MINDY4: variants seen among roughly 807,000 people sequenced by gnomAD.
The protein encoded by MINDY4 is probable ubiquitin carboxyl-terminal hydrolase MINDY-4.
A neutral mutation model predicts 87.0 loss-of-function variants in MINDY4; 68 were observed. The observed-to-expected ratio is 0.78, with a 90% confidence interval of 0.64 to 0.96. The LOEUF is 0.96. Among genes scored for constraint, MINDY4 ranks in the 40% least tolerant of loss-of-function variants. The pLI, the probability that MINDY4 is intolerant of heterozygous loss-of-function variation, is 0.00. For synonymous variants in MINDY4, 379 were observed against 363.2 expected (o/e 1.04, Z -0.50); for missense variants, 919 against 928.2 (o/e 0.99, Z 0.13).
At chr7:30,828,616 T>C in intron 5 of MINDY4, 63 bp from the exon 6 acceptor site, 1 of 1,548,152 alleles carries the variant, frequency 6.5e-7, no homozygotes. Flanking sequence ...CTTAACAGTC[T>C]TCTCTGCCGT....
chr7:30,891,952 C>G lies in MINDY4; in HGVS notation c.2226-5C>G. 6.2e-7 allele frequency: 1 copy of G among 1,614,088 alleles called. No homozygotes were observed. The highest frequency in any genetic ancestry group is 8.5e-7 in the Non-Finnish European group (1 of 1,179,960). ...TCTTTGTCTCTCTCCTCACTCTACG[C>G]TTAGGTGGAAGGGGGCATCAGTGAA... On this transcript the variant is annotated splice_region_variant and splice_polypyrimidine_tract_variant and intron_variant, in intron 17 of 17. Transcript: ENST00000265299.
chr7:30,814,515 G>T (rs972891964), intron 5 of MINDY4, among the ~76,000 whole-genome samples: 2 of 152,174 alleles, frequency 1.3e-5, no homozygotes, highest in African/African-American at 4.8e-5. Context: ...GTCTTCATTT[G>T]TAAAAAATAG....
intron 5 of MINDY4, among the ~76,000 whole-genome samples, chr7:30,802,392 TG>T (rs1787681021): frequency 6.6e-6 from 1 of 152,144 alleles, no homozygotes; most frequent in Admixed American, 6.5e-5. Flanking sequence ...AATCCTATCC[TG>T]GTTAGCAGAG....
intron 1 of MINDY4, among the ~76,000 whole-genome samples, chr7:30,776,617 G>T (rs1786825776): frequency 6.6e-6 from 1 of 152,204 alleles, no homozygotes. Flanking sequence ...CGGACTAGTG[G>T]TCTGTTCCCT....
intron 14 of MINDY4, among the ~76,000 whole-genome samples, chr7:30,874,948 G>GAATCTAA (rs1254572196): frequency 1.3e-5 from 2 of 152,148 alleles, no homozygotes; most frequent in African/African-American, 4.8e-5. Flanking sequence ...AACTTCTTTT[G>GAATCTAA]AATCTAAAAT....
At chr7:30,862,041 A>G (rs1208885723) in intron 13 of MINDY4, among the ~76,000 whole-genome samples, 2 of 152,244 alleles carry the variant, frequency 1.3e-5, no homozygotes, top group Non-Finnish European at 2.9e-5. Context: ...TCAAGTTCAA[A>G]AGAACTTTAG....
At chr7:30,834,535 C>T (rs1788802916) in intron 6 of MINDY4, among the ~76,000 whole-genome samples, 1 of 152,266 alleles carries the variant, frequency 6.6e-6, no homozygotes, top group East Asian at 1.9e-4. Flanking sequence ...TCTGACATGC[C>T]CTGGAGACGT....
At chr7:30,771,819 G>C (rs983674609) in intron 1 of MINDY4, among the ~76,000 whole-genome samples, 1 of 152,210 alleles carries the variant, frequency 6.6e-6, no homozygotes, top group Admixed American at 6.5e-5. Flanking sequence ...TCCGCGCTCC[G>C]GGGCGGCGGC....
At chr7:30,797,761 C>G (rs926452650) in intron 5 of MINDY4, among the ~76,000 whole-genome samples, 2 of 152,028 alleles carry the variant, frequency 1.3e-5, no homozygotes, top group African/African-American at 4.8e-5. Flanking sequence ...TGAATAGATT[C>G]AAGTGTGGAA....
Position 30,778,449 on chromosome 7 carries a change from T to C in MINDY4, c.81T>C (p.Cys27=). 3.1e-6 allele frequency: 5 copies of C among 1,614,230 alleles called. No homozygotes were observed. The highest frequency in any genetic ancestry group is 4.2e-6 in the Non-Finnish European group (5 of 1,180,040). ...TCCCTCAGGGCTTAAAGAAGACATG[T>C]GTGACCATGGACCAGGAACGCCCAC... The part of the protein sequence containing the change: ...FLSRKGLKKT[C]VTMDQERPRS... Residue 27 remains cysteine, a synonymous_variant, in exon 2 of 18, where the codon TGT becomes TGC. Coordinates refer to ENST00000265299, the MANE Select transcript of MINDY4 (RefSeq NM_032222.3).
At chr7:30,884,663 G>A (rs1790576129) in intron 17 of MINDY4, among the ~76,000 whole-genome samples, 1 of 152,164 alleles carries the variant, frequency 6.6e-6, no homozygotes, top group African/African-American at 2.4e-5. Flanking sequence ...CCCAGGGGGT[G>A]GCCCACCACC....
chr7:30,852,151 G>A (rs766210044), intron 10 of MINDY4, 65 bp from the exon 11 acceptor site: 76 of 1,594,162 alleles, frequency 4.8e-5, no homozygotes, highest in East Asian at 2.2e-4. Flanking sequence ...ATGTGGTTTC[G>A]CCCCGGCTGG....
In MINDY4 at chr7:30,791,165, G is replaced by T. The variant is rs749547397; in HGVS notation, c.664G>T (p.Asp222Tyr). ...MSGPIASSPQ[D>Y]SFHRHYLRRS... ...CTGCTTTTGTCCTTACTCCCTTTAG[G>T]ATTCTTTTCACAGACACTATCTGAG... is the stretch of plus-strand genomic sequence containing the variant. The change falls in exon 5 of 18, where the codon GAT becomes TAT. Residue 222 changes from aspartate (D) to tyrosine (Y), a missense_variant and splice_region_variant. Coordinates refer to ENST00000265299, the MANE Select transcript of MINDY4 (RefSeq NM_032222.3). The T allele has an allele frequency of 6.2e-7, 1 of 1,603,776 alleles. No individual in the cohort carries two copies.
intron 17 of MINDY4, among the ~76,000 whole-genome samples, chr7:30,885,706 A>ACCCCCCCCCCCCCCC (rs144436645): frequency 8.1e-6 from 1 of 123,960 alleles, no homozygotes; most frequent in Non-Finnish European, 1.7e-5. Flanking sequence ...GGCAGTGCCC[A>ACCCCCCCCCCCCCCC]CCCCCCCCCC....
chr7:30,868,424 G>A (rs1037425231), intron 13 of MINDY4, among the ~76,000 whole-genome samples: 1 of 152,214 alleles, frequency 6.6e-6, no homozygotes, highest in African/African-American at 2.4e-5. Context: ...GCTTTTGAGA[G>A]AAAGATGCAT....
intron 5 of MINDY4, among the ~76,000 whole-genome samples, chr7:30,813,344 A>G (rs368872136): frequency 5.3e-5 from 8 of 152,100 alleles, no homozygotes; most frequent in Non-Finnish European, 4.4e-5. Flanking sequence ...AAAGTGTTCA[A>G]TCCCCAGGTC....
At chr7:30,864,524 T>C (rs1168651535) in intron 13 of MINDY4, among the ~76,000 whole-genome samples, 1 of 152,252 alleles carries the variant, frequency 6.6e-6, no homozygotes, top group East Asian at 1.9e-4. Context: ...TCTTCACTTT[T>C]GGCTCCTCTG....
At chr7:30,886,748 A>G (rs1237167174) in intron 17 of MINDY4, among the ~76,000 whole-genome samples, 1 of 152,082 alleles carries the variant, frequency 6.6e-6, no homozygotes, top group Non-Finnish European at 1.5e-5. Flanking sequence ...CCCAGACCCC[A>G]TGTGTCTCTG....
At chr7:30,798,632 G>A (rs1787561677) in intron 5 of MINDY4, among the ~76,000 whole-genome samples, 2 of 152,196 alleles carry the variant, frequency 1.3e-5, no homozygotes, top group African/African-American at 4.8e-5. Context: ...GAGTAGCTGG[G>A]ACTGCAGTCG....
Sources: gnomAD v4.1 joint callset for allele counts (sites outside exome capture counted in the v4.1 genomes callset) on GRCh38, gnomAD v4.1.1 for gene constraint, MANE v1.5 for transcripts, NCBI Gene and HGNC (gene_info 2026-07-23, HGNC 2026-07-21) for gene names.